The following TMEM117 variants were observed in gnomAD, a reference collection of about 807,000 sequenced individuals.
The protein encoded by TMEM117 is transmembrane protein 117.
A neutral mutation model predicts 52.4 loss-of-function variants in TMEM117; 27 were observed. The ratio of observed to expected loss-of-function variants is 0.51; its 90% CI spans 0.38 to 0.71. The LOEUF (loss-of-function observed/expected upper bound fraction) is 0.71. Ranked by LOEUF, TMEM117 falls within the 30% of genes least tolerant of loss-of-function variation. The pLI is 0.00. For missense variants in TMEM117, 556 were observed against 630.5 expected, an observed-to-expected ratio of 0.88 and a Z score of 1.26; for synonymous variants, 215 against 206.3, an observed-to-expected ratio of 1.04 and a Z score of -0.36.
intron 6 of TMEM117, among the ~76,000 whole-genome samples, chr12:44,346,469 G>GAAGAGTCTTTCTCTCTCTC (rs1484058189): frequency 6.6e-6 from 1 of 152,092 alleles, no homozygotes; most frequent in Non-Finnish European, 1.5e-5. Context: ...AGTACTCAAT[G>GAAGAGTCTTTCTCTCTCTC]AAGAGTCTTT....
chr12:44,150,309 A>G (rs1290347923), intron 4 of TMEM117, among the ~76,000 whole-genome samples: 1 of 152,198 alleles, frequency 6.6e-6, no homozygotes, highest in Non-Finnish European at 1.5e-5. Context: ...AAGAGATGAG[A>G]GAAACAGGAG....
chr12:43,822,459 T>G, the TMEM117 span, among the ~76,000 whole-genome samples: 1 of 151,990 alleles, frequency 6.6e-6, no homozygotes, highest in Non-Finnish European at 1.5e-5. Flanking sequence ...TAGCCTAGTA[T>G]TTATCAAATC....
At chr12:44,311,823 G>GTATATATATGTA (rs745551104) in intron 6 of TMEM117, among the ~76,000 whole-genome samples, 1 of 85,384 alleles carries the variant, frequency 1.2e-5, no homozygotes, top group African/African-American at 6.7e-5. Context: ...GTATATATAT[G>GTATATATATGTA]TATATATGTA....
chr12:43,980,564 A>T (rs1185191481), intron 3 of TMEM117, among the ~76,000 whole-genome samples: 1 of 152,202 alleles, frequency 6.6e-6, no homozygotes, highest in Admixed American at 6.5e-5. Context: ...CCTAGCCTGA[A>T]TAATTCCCTT....
At chr12:44,143,728 C>G (rs184492982) in intron 4 of TMEM117, 104 bp downstream of exon 4, 2 of 750,710 alleles carry the variant, frequency 2.7e-6, no homozygotes, top group Non-Finnish European at 4.2e-6. Flanking sequence ...ATAATTACCT[C>G]TCTTTGAGTG....
At chr12:44,249,994 G>T (rs1366809798) in intron 5 of TMEM117, among the ~76,000 whole-genome samples, 3 of 152,098 alleles carry the variant, frequency 2.0e-5, no homozygotes, top group Non-Finnish European at 2.9e-5. Context: ...TCACAAATGG[G>T]ATCTAATTAA....
intron 2 of TMEM117, among the ~76,000 whole-genome samples, chr12:43,866,068 C>T (rs1943592242): frequency 6.6e-6 from 1 of 151,782 alleles, no homozygotes; most frequent in Non-Finnish European, 1.5e-5. Context: ...AGTGTTCATA[C>T]TTTGTTCATG....
At chr12:43,982,329 C>T (rs560775628) in intron 3 of TMEM117, among the ~76,000 whole-genome samples, 1 of 152,128 alleles carries the variant, frequency 6.6e-6, no homozygotes, top group East Asian at 1.9e-4. Flanking sequence ...GAAATGGGTG[C>T]ACTACTGAGT....
intron 2 of TMEM117, among the ~76,000 whole-genome samples, chr12:43,927,415 A>C (rs1330854698): frequency 6.6e-6 from 1 of 151,402 alleles, no homozygotes; most frequent in Non-Finnish European, 1.5e-5. Flanking sequence ...TAGTATTTAA[A>C]TATACTATAT....
chr12:44,037,266 C>T (rs572079769), intron 3 of TMEM117, among the ~76,000 whole-genome samples: 16 of 152,290 alleles, frequency 1.1e-4, no homozygotes, highest in South Asian at 8.3e-4. Flanking sequence ...CAGCTGCAGG[C>T]GAGGCATCTT....
At chr12:44,011,004 T>C (rs1431491778) in intron 3 of TMEM117, among the ~76,000 whole-genome samples, 1 of 152,236 alleles carries the variant, frequency 6.6e-6, no homozygotes, top group Non-Finnish European at 1.5e-5. Flanking sequence ...TTGGAAGTTT[T>C]GACCTATATC....
intron 5 of TMEM117, among the ~76,000 whole-genome samples, chr12:44,228,987 A>G (rs1949899898): frequency 6.6e-6 from 1 of 152,142 alleles, no homozygotes; most frequent in Non-Finnish European, 1.5e-5. Context: ...TGGGCAAGAC[A>G]GGGATGTTGG....
chr12:44,152,763 TAATATA>T (rs1948769179), intron 4 of TMEM117, among the ~76,000 whole-genome samples: 1 of 140,058 alleles, frequency 7.1e-6, no homozygotes, highest in Admixed American at 7.6e-5. Context: ...ATAATGTATA[TAATATA>T]AATATAAATA....
In TMEM117 at chr12:44,234,671, C is replaced by T. The variant is rs10047629; in HGVS notation, c.608+23284C>T. ...TTTTCATTATACCTTGAAGTGAATA[C>T]TGAAATAATTACTTCACAGGCATAC... On this transcript the variant is annotated intron_variant, in intron 5 of 7. Transcript: ENST00000266534. Among the ~76,000 whole-genome samples the T allele has an allele frequency of 8.1e-3, 1,220 of 151,304 alleles. 22 individuals are homozygous for T. Among genetic ancestry groups the T allele is most frequent in the African/African-American group, 0.027 (1,135 of 41,416 alleles).
intron 6 of TMEM117, among the ~76,000 whole-genome samples, chr12:44,354,369 A>G (rs997217829): frequency 2.6e-5 from 4 of 151,566 alleles, no homozygotes; most frequent in African/African-American, 9.7e-5. Flanking sequence ...CAACAAAAAA[A>G]GAGAATTTTA....
At chr12:44,221,150 G>A (rs895272973) in intron 5 of TMEM117, among the ~76,000 whole-genome samples, 1 of 152,136 alleles carries the variant, frequency 6.6e-6, no homozygotes, top group Admixed American at 6.5e-5. Flanking sequence ...TCAGTGATAA[G>A]TCATGTTGAT....
intron 3 of TMEM117, among the ~76,000 whole-genome samples, chr12:43,986,686 A>G (rs2137736774): frequency 6.6e-6 from 1 of 152,282 alleles, no homozygotes; most frequent in South Asian, 2.1e-4. Context: ...CACTTCTGTA[A>G]CATCCTTTCT....
At chr12:44,317,300 G>A (rs76100657) in intron 6 of TMEM117, among the ~76,000 whole-genome samples, 4 of 125,562 alleles carry the variant, frequency 3.2e-5, no homozygotes, top group Admixed American at 7.6e-5. Flanking sequence ...ATATATATAT[G>A]TTTTTTTTTT....
chr12:43,895,273 T>A (rs1565739030), intron 2 of TMEM117, among the ~76,000 whole-genome samples: 1 of 152,156 alleles, frequency 6.6e-6, no homozygotes, highest in Admixed American at 6.5e-5. Flanking sequence ...CCTGTGTAAG[T>A]TTGCTAAGGA....
Sources: gnomAD v4.1 joint callset for allele counts (sites outside exome capture counted in the v4.1 genomes callset) on GRCh38, gnomAD v4.1.1 for gene constraint, MANE v1.5 for transcripts, NCBI Gene and HGNC (gene_info 2026-07-23, HGNC 2026-07-21) for gene names.